The following PKHD1L1 variants were observed in gnomAD, a reference collection of about 807,000 sequenced individuals.
PKHD1L1 encodes the protein PKHD1 like 1.
A neutral mutation model predicts 462.9 loss-of-function variants in PKHD1L1; 434 were observed. That is an observed-to-expected ratio of 0.94 (90% CI 0.87 to 1.02). The LOEUF (loss-of-function observed/expected upper bound fraction) is 1.02. Among genes scored for constraint, PKHD1L1 ranks in the 50% least tolerant of loss-of-function variants. PKHD1L1 has a pLI of 0.00. For missense variants in PKHD1L1, 5,202 were observed against 5,096.1 expected (o/e 1.02, Z -0.63); for synonymous variants, 1,781 against 1,750.0 (o/e 1.02, Z -0.44).
chr8:109,396,440 ACC>A (rs1812980199), intron 11 of PKHD1L1, among the ~76,000 whole-genome samples: 1 of 152,168 alleles, frequency 6.6e-6, no homozygotes, highest in Non-Finnish European at 1.5e-5. Context: ...GGACACACCT[ACC>A]CTTAATTTAG....
In PKHD1L1 at chr8:109,419,176, A is replaced by G; in HGVS notation, c.2440A>G (p.Ser814Gly). ...TGTNVSLQRI[S>G]LHKASESQSF... is the part of the protein sequence containing the mutation. ...GACAAATGTTTCTCTTCAGAGGATT[A>G]GCTTACATAAAGCATCAGAATCACA... is the stretch of plus-strand genomic sequence containing the variant. Residue 814 changes from serine to glycine, a missense_variant, in exon 22 of 78, where the codon AGC (serine) becomes GGC (glycine). Ser to Gly is a moderately conservative substitution (Grantham distance 56). Transcript: ENST00000378402. 6.2e-7 allele frequency: 1 copy of G among 1,613,580 alleles called. No individual in the cohort carries two copies. Among genetic ancestry groups the G allele is most frequent in the East Asian group, 2.2e-5 (1 of 44,840 alleles).
rs760229883 is a variant in PKHD1L1, at chr8:109,522,794, C to G, written c.12234C>G (p.Ala4078=). ...CTGCATTTCCTGTTCATCACGTGGC[C>G]TTCGTGTCCTCACTCTTAGTGATCA... ...ERSAFPVHHV[A]FVSSLLVITQ... The change falls in exon 75 of 78, where the codon GCC becomes GCG. Residue 4078 remains alanine, a synonymous_variant. Coordinates refer to ENST00000378402, the MANE Select transcript of PKHD1L1 (RefSeq NM_177531.6). 1.2e-6 allele frequency: 2 copies of G among 1,612,350 alleles called. No individual in the cohort carries two copies. Among genetic ancestry groups the G allele is most frequent in the South Asian group, 2.2e-5 (2 of 90,880 alleles).
chr8:109,503,315 C>CAAACAAA (rs1563617458), intron 67 of PKHD1L1, among the ~76,000 whole-genome samples: 31 of 132,656 alleles, frequency 2.3e-4, no homozygotes, highest in African/African-American at 8.0e-4. Context: ...CAAAAACAAA[C>CAAACAAA]AAAAAAAAAA....
chr8:109,520,375 C>T (rs527526687), intron 73 of PKHD1L1, among the ~76,000 whole-genome samples: 13 of 152,190 alleles, frequency 8.5e-5, no homozygotes, highest in South Asian at 4.1e-4. Context: ...CCAAAATTTA[C>T]CACACTAGCC....
chr8:109,372,561 G>C (rs1288044855), intron 2 of PKHD1L1, among the ~76,000 whole-genome samples: 3 of 152,210 alleles, frequency 2.0e-5, no homozygotes, highest in Admixed American at 1.3e-4. Flanking sequence ...AGTGGTGAGA[G>C]AGGGCATCCC....
intron 18 of PKHD1L1, 149 bp downstream of exon 18, chr8:109,408,355 A>G (rs924035127): frequency 1.9e-5 from 14 of 726,154 alleles, no homozygotes; most frequent in African/African-American, 5.3e-5. Context: ...CACAATTTAT[A>G]TACTGTGATA....
At chr8:109,391,280 G>A (rs1438477365) in intron 9 of PKHD1L1, among the ~76,000 whole-genome samples, 1 of 152,178 alleles carries the variant, frequency 6.6e-6, no homozygotes, top group Non-Finnish European at 1.5e-5. Flanking sequence ...CAGCTAGTAG[G>A]AAGCAGCATT....
chr8:109,451,273 C>T, intron 41 of PKHD1L1, 124 bp downstream of exon 41: 1 of 1,055,198 alleles, frequency 9.5e-7, no homozygotes. Flanking sequence ...ATGCTCGTAA[C>T]TTAAGCTTAA....
At chr8:109,442,733 G>A (rs144083040) in intron 35 of PKHD1L1, among the ~76,000 whole-genome samples, 38 of 152,186 alleles carry the variant, frequency 2.5e-4, no homozygotes, top group Non-Finnish European at 4.6e-4. Flanking sequence ...AATCAATGCC[G>A]GAACTTGTTT....
intron 46 of PKHD1L1, among the ~76,000 whole-genome samples, chr8:109,457,807 T>C (rs1398420421): frequency 1.3e-5 from 2 of 152,206 alleles, no homozygotes; most frequent in East Asian, 3.8e-4. Context: ...AAAATGCTTT[T>C]CACAACTTCT....
chr8:109,464,842 C>G lies in PKHD1L1; in HGVS notation c.8010C>G (p.Phe2670Leu). Residue 2670 changes from phenylalanine to leucine, a missense_variant, in exon 49 of 78, where the codon TTC (phenylalanine) becomes TTG (leucine). Physicochemically the swap from Phe to Leu is conservative, Grantham distance 22. Coordinates refer to ENST00000378402, the MANE Select transcript of PKHD1L1 (RefSeq NM_177531.6). ...GGGTCAATGGAGGTGCCCTTCAGTT[C>G]CATAACTTTGTGATGGTGAATAACT... ...AEWVNGGALQFHNFVMVNNYE... is the reference protein window; with the variant it reads ...AEWVNGGALQLHNFVMVNNYE... 1 of 1,613,720 alleles carries G rather than the reference C, an allele frequency of 6.2e-7. No individual in the cohort carries two copies. The highest frequency in any genetic ancestry group is 8.5e-7 in the Non-Finnish European group (1 of 1,179,790).
intron 18 of PKHD1L1, among the ~76,000 whole-genome samples, chr8:109,409,092 C>T (rs535330220): frequency 6.6e-6 from 1 of 152,282 alleles, no homozygotes; most frequent in African/African-American, 2.4e-5. Flanking sequence ...TATATTGTCT[C>T]AAGCCCTTAA....
intron 21 of PKHD1L1, 50 bp downstream of exon 21, chr8:109,413,595 C>T (rs1398781265): frequency 1.5e-6 from 2 of 1,354,434 alleles, no homozygotes; most frequent in South Asian, 4.0e-5. Context: ...GGTATATAAA[C>T]TACAAAGATA....
At chr8:109,432,269 A>G (rs1162217514) in intron 27 of PKHD1L1, among the ~76,000 whole-genome samples, 1 of 152,124 alleles carries the variant, frequency 6.6e-6, no homozygotes, top group Admixed American at 6.5e-5. Flanking sequence ...GATTTAAGTC[A>G]TTGATTTATT....
At chr8:109,363,766 G>T (rs1405669843) in intron 1 of PKHD1L1, among the ~76,000 whole-genome samples, 2 of 152,188 alleles carry the variant, frequency 1.3e-5, no homozygotes, top group Non-Finnish European at 2.9e-5. Context: ...AACTGGTCCA[G>T]TCTAATTCAT....
At chr8:109,523,434 C>A (rs1586666624) in intron 76 of PKHD1L1, 48 bp downstream of exon 76, 1 of 1,485,090 alleles carries the variant, frequency 6.7e-7, no homozygotes. Flanking sequence ...TAAATAGAGA[C>A]AATTATAATG....
chr8:109,464,427 T>C lies in PKHD1L1; in HGVS notation c.7595T>C (p.Ile2532Thr), dbSNP rs773852545. Residue 2532 changes from isoleucine (I) to threonine (T), a missense_variant, in exon 49 of 78, where the codon ATT becomes ACT. Ile to Thr is a moderately conservative substitution (Grantham distance 89). This residue lies in a region of PKHD1L1 where 4,497 missense variants were observed against 4,336.8 expected (regional missense o/e 1.04). Transcript: ENST00000378402. ...GGAGCATTTTTTATAGAAGATGGTA[T>C]TGAACATGGCAATATCCTCCAGTAT... ...KGGAFFIEDGIEHGNILQYNL... is the reference protein window; with the variant it reads ...KGGAFFIEDGTEHGNILQYNL... 7 of 1,613,540 alleles carry C rather than the reference T, an allele frequency of 4.3e-6. No individual in the cohort carries two copies. The African/African-American group carries it at 8.0e-5, about 18-fold the overall frequency.
intron 57 of PKHD1L1, among the ~76,000 whole-genome samples, chr8:109,483,387 A>G (rs1208372463): frequency 1.3e-5 from 2 of 149,664 alleles, no homozygotes; most frequent in Non-Finnish European, 3.0e-5. Flanking sequence ...TATTATGTAT[A>G]TATATTTTAT....
At chr8:109,426,461 T>G (rs1393021429) in intron 24 of PKHD1L1, among the ~76,000 whole-genome samples, 1 of 151,836 alleles carries the variant, frequency 6.6e-6, no homozygotes, top group African/African-American at 2.4e-5. Flanking sequence ...TTAAAAATAA[T>G]TATTTATTAT....
Sources: gnomAD v4.1 joint callset for allele counts (sites outside exome capture counted in the v4.1 genomes callset) on GRCh38, gnomAD v4.1.1 for gene constraint, gnomAD v4.1.1 regional missense constraint, MANE v1.5 for transcripts, NCBI Gene and HGNC (gene_info 2026-07-23, HGNC 2026-07-21) for gene names.